MTCL1: variants seen among roughly 807,000 people sequenced by gnomAD.
MTCL1 encodes microtubule crosslinking factor 1, also known as microtubule cross-linking factor 1.
Under a neutral mutation model 141.4 loss-of-function variants are expected in MTCL1, and 79 were observed. The ratio of observed to expected loss-of-function variants is 0.56; its 90% confidence interval spans 0.47 to 0.67. The LOEUF (loss-of-function observed/expected upper bound fraction) is 0.67. Ranked by LOEUF, MTCL1 falls within the 30% of genes least tolerant of loss-of-function variation. The pLI is 0.00. For missense variants in MTCL1, 2,177 were observed against 2,113.9 expected (o/e 1.03, Z -0.59); for synonymous variants, 914 against 875.8 (o/e 1.04, Z -0.77).
rs2077090981 is a variant in MTCL1, at chr18:8,828,367, C to A, written c.4723-541C>A. On this transcript the variant is annotated intron_variant, in intron 15 of 16. Transcript: ENST00000359865. This position sits in a 1 kb window ranked among gnomAD's most constrained non-coding sequence, Gnocchi z 5.2. ...ACACCATGGCACTAGTTCAGCAGTG[C>A]AGAGAGAAGCCGTGAGGAGTTCCGG... is the stretch of plus-strand genomic sequence containing the variant. Among the ~76,000 whole-genome samples the A allele has an allele frequency of 6.6e-6, 1 of 152,194 alleles. No homozygotes were observed. The highest frequency in any genetic ancestry group is 1.9e-4 in the East Asian group (1 of 5,198).
At chr18:8,795,244 C>T (rs2143845690) in intron 8 of MTCL1, among the ~76,000 whole-genome samples, 1 of 152,302 alleles carries the variant, frequency 6.6e-6, no homozygotes, top group African/African-American at 2.4e-5. Context: ...TTCCCATGGC[C>T]TCTGAGAATT....
At chr18:8,785,706 C>T (rs935887695) in intron 6 of MTCL1, 1 of 567,292 alleles carries the variant, frequency 1.8e-6, no homozygotes, top group Non-Finnish European at 3.1e-6. Flanking sequence ...CCACCCGCCC[C>T]TTTGCTCATC....
At chr18:8,788,742 C>T (rs1051377499) in intron 7 of MTCL1, among the ~76,000 whole-genome samples, 1 of 152,290 alleles carries the variant, frequency 6.6e-6, no homozygotes, top group Non-Finnish European at 1.5e-5. Flanking sequence ...TCTCCAAGGC[C>T]GGCATTCTTA....
At chr18:8,795,761 C>A (rs1367327957) in intron 8 of MTCL1, among the ~76,000 whole-genome samples, 1 of 152,156 alleles carries the variant, frequency 6.6e-6, no homozygotes, top group Non-Finnish European at 1.5e-5. Flanking sequence ...CTGGGGTTCT[C>A]TTCTGTCGGG....
rs1439231166 is a variant in MTCL1 at position 8,830,486 on chromosome 18, G to A, written c.*19-1121G>A. On this transcript the variant is annotated intron_variant, in intron 16 of 16. Coordinates refer to ENST00000359865, the Ensembl canonical transcript of MTCL1. This position sits in a 1 kb window ranked among gnomAD's most constrained non-coding sequence, Gnocchi z 6.4. ...TCTCTGCCGTGTTCCATCTTCTCCC[G>A]AGTGACACTGCCCATTCCGTGCAGC... is the stretch of plus-strand genomic sequence containing the variant. The A allele has an allele frequency of 1.5e-5, 15 of 985,744 alleles. No individual in the cohort carries two copies. Among genetic ancestry groups the A allele is most frequent in the South Asian group, 4.7e-5 (1 of 21,292 alleles). 61.1% of individuals were successfully genotyped at this position (985,744 alleles called of 1,614,324 possible).
exon 5 of MTCL1, chr18:8,777,851 A>C (rs199792443): frequency 3.8e-5 from 61 of 1,613,956 alleles, no homozygotes; most frequent in Non-Finnish European, 5.0e-5. Context: ...AAAAAGAAGA[A>C]GCACTCGGGA....
upstream of MTCL1, among the ~76,000 whole-genome samples, chr18:8,716,907 A>G (rs1271771213): frequency 6.6e-6 from 1 of 152,080 alleles, no homozygotes; most frequent in African/African-American, 2.4e-5. Flanking sequence ...CCTCCTTTAA[A>G]TCTTGTGTAA....
chr18:8,720,392 A>T lies in MTCL1; in HGVS notation c.253A>T (p.Lys85Ter), dbSNP rs753910817. 6.2e-7 allele frequency: 1 copy of T among 1,614,134 alleles called. No individual in the cohort carries two copies. ...CCACGAACTTAAGACGGTGGAGGAA[A>T]AGCGCGCTAAAGCTGAGGATGAAAA... Residue 85 changes from lysine (K) to a stop codon, truncating the protein, a stop_gained, in exon 4 of 17, where the codon AAG becomes TAG. Transcript: ENST00000359865. LOFTEE classifies it high-confidence loss of function.
exon 15 of MTCL1, chr18:8,825,185 C>T (rs1192009108): frequency 1.3e-6 from 2 of 1,581,936 alleles, no homozygotes; most frequent in South Asian, 1.2e-5. Context: ...GCCCGGGAGA[C>T]ACCAAGGGAG....
intron 4 of MTCL1, among the ~76,000 whole-genome samples, chr18:8,746,771 A>G (rs73939523): frequency 0.12 from 17,773 of 152,042 alleles, 2,306 homozygotes; most frequent in African/African-American, 0.31. Context: ...ATGGATGTGG[A>G]TTATGGATGT....
intron 4 of MTCL1, among the ~76,000 whole-genome samples, chr18:8,738,448 G>C (rs1271260482): frequency 2.0e-5 from 3 of 152,174 alleles, no homozygotes; most frequent in Non-Finnish European, 4.4e-5. Context: ...TTTATAGCAT[G>C]ATTTTGAGGT....
chr18:8,717,110 C>T (rs1286786390), upstream of MTCL1, among the ~76,000 whole-genome samples: 1 of 151,934 alleles, frequency 6.6e-6, no homozygotes, highest in Non-Finnish European at 1.5e-5. Flanking sequence ...TTATTGAGGA[C>T]CTACCGTGTG....
At chr18:8,777,853 C>T (rs767941017) in exon 5 of MTCL1, 2 of 1,613,814 alleles carry the variant, frequency 1.2e-6, no homozygotes, top group South Asian at 2.2e-5. Flanking sequence ...AAAGAAGAAG[C>T]ACTCGGGAAA....
At chr18:8,725,650 A>T (rs9953966) in intron 4 of MTCL1, among the ~76,000 whole-genome samples, 2 of 151,426 alleles carry the variant, frequency 1.3e-5, no homozygotes, top group African/African-American at 4.9e-5. Flanking sequence ...AAATGTATTG[A>T]CTCATTTGTT....
rs574006705 is a variant in MTCL1 at position 8,822,992 on chromosome 18, A to T, written c.3188+1494A>T. Among the ~76,000 whole-genome samples the T allele has an allele frequency of 1.3e-5, 2 of 151,856 alleles. No homozygotes were observed. Among genetic ancestry groups the T allele is most frequent in the African/African-American group, 4.8e-5 (2 of 41,442 alleles). ...TGAACCGAGATTGCGCCACTGCACT[A>T]CATCCTGGGCGACAGAGTAAGACTC... On this transcript the variant is annotated intron_variant, in intron 14 of 16. Coordinates refer to ENST00000359865, the Ensembl canonical transcript of MTCL1. This position sits in a 1 kb window ranked among gnomAD's most constrained non-coding sequence, Gnocchi z 4.6.
At chr18:8,777,360 T>C (rs537413387) in intron 4 of MTCL1, among the ~76,000 whole-genome samples, 22 of 152,320 alleles carry the variant, frequency 1.4e-4, no homozygotes, top group Non-Finnish European at 2.6e-4. Context: ...TCCCAAAGCA[T>C]TGGGATTATA....
At chr18:8,801,709 C>T (rs1278913478) in intron 10 of MTCL1, 1 of 152,242 alleles carries the variant, frequency 6.6e-6, no homozygotes, top group Non-Finnish European at 1.5e-5. Context: ...TCCCTAATGG[C>T]CACCTGATTT....
intron 4 of MTCL1, among the ~76,000 whole-genome samples, chr18:8,763,955 T>C (rs1023290587): frequency 4.2e-5 from 6 of 142,892 alleles, no homozygotes; most frequent in Non-Finnish European, 9.0e-5. Context: ...TTGGGATTTT[T>C]ATTTCAGACT....
chr18:8,831,108 G>A (rs1283085876), intron 16 of MTCL1: 9 of 986,826 alleles, frequency 9.1e-6, no homozygotes, highest in East Asian at 2.3e-4. Context: ...AGCAGAGTTC[G>A]TTTAAGACGA....
Sources: gnomAD v4.1 joint callset for allele counts (sites outside exome capture counted in the v4.1 genomes callset) on GRCh38, gnomAD v4.1.1 for gene constraint, Gnocchi (gnomAD v3.1) non-coding constraint, MANE v1.5 for transcripts, NCBI Gene and HGNC (gene_info 2026-07-23, HGNC 2026-07-21) for gene names.